The following STX18 variants were observed in gnomAD, a reference collection of about 807,000 sequenced individuals.
STX18 encodes the protein syntaxin 18.
Under a neutral mutation model 50.1 loss-of-function variants are expected in STX18, and 40 were observed. That is an observed-to-expected ratio of 0.80 (90% CI 0.62 to 1.04). The LOEUF (loss-of-function observed/expected upper bound fraction) is 1.04, where lower values mean the gene tolerates loss of function less well. Among genes scored for constraint, STX18 ranks in the 50% least tolerant of loss-of-function variants. STX18 has a pLI of 0.00. For missense variants in STX18, 410 were observed against 415.8 expected (o/e 0.99, Z 0.12); for synonymous variants, 158 against 151.8 (o/e 1.04, Z -0.30).
At chr4:4,512,318 C>A (rs949879016) in intron 1 of STX18, among the ~76,000 whole-genome samples, 2 of 151,986 alleles carry the variant, frequency 1.3e-5, no homozygotes, top group Non-Finnish European at 1.5e-5. Context: ...AAGAATAATT[C>A]TTTTTCCTAA....
chr4:4,435,285 T>TAC (rs1725717632), intron 6 of STX18, among the ~76,000 whole-genome samples: 1 of 151,970 alleles, frequency 6.6e-6, no homozygotes, highest in South Asian at 2.1e-4. Context: ...CATATATACA[T>TAC]ACATATATAT....
Position 4,434,864 on chromosome 4 carries a change from A to T in STX18, c.614-6T>A, listed in dbSNP as rs1725695413. 2 of 1,431,892 alleles carry T rather than the reference A, an allele frequency of 1.4e-6. No homozygotes were observed. Among genetic ancestry groups the T allele is most frequent in the Non-Finnish European group, 1.9e-6 (2 of 1,059,152 alleles). The allele number at this position is 1,431,892 out of a possible 1,614,324, so 88.7% of individuals were successfully genotyped here. On this transcript the variant is annotated splice_polypyrimidine_tract_variant and splice_region_variant and intron_variant, in intron 6 of 10. Transcript: ENST00000306200. Reference sequence around the variant, plus strand: ...TGTTTCAGCCAAAATTTTTTCTGTTAAAAAAAAAATTGAAAATAGAAGACC... The same window carrying T: ...TGTTTCAGCCAAAATTTTTTCTGTTTAAAAAAAAATTGAAAATAGAAGACC...
intron 2 of STX18, among the ~76,000 whole-genome samples, chr4:4,463,777 T>C (rs1227488396): frequency 6.6e-6 from 1 of 152,214 alleles, no homozygotes; most frequent in Non-Finnish European, 1.5e-5. Flanking sequence ...CACTGCGATC[T>C]AGTGTTAACC....
intron 1 of STX18, among the ~76,000 whole-genome samples, chr4:4,503,747 G>A (rs1282579495): frequency 2.0e-5 from 3 of 152,112 alleles, no homozygotes; most frequent in Non-Finnish European, 4.4e-5. Flanking sequence ...GTTCAAGGAG[G>A]AAAAGGTTGT....
intron 9 of STX18, among the ~76,000 whole-genome samples, chr4:4,421,185 C>T (rs1724939897): frequency 6.6e-6 from 1 of 152,174 alleles, no homozygotes; most frequent in Non-Finnish European, 1.5e-5. Context: ...AACGGCTTTA[C>T]TTGCATAGCC....
At chr4:4,540,638 TC>T (rs1466503587) in intron 1 of STX18, among the ~76,000 whole-genome samples, 1 of 152,216 alleles carries the variant, frequency 6.6e-6, no homozygotes, top group Non-Finnish European at 1.5e-5. Context: ...TATGTCTATG[TC>T]CGTCTACTCC....
rs1039407609 is a variant in STX18 at position 4,423,648 on chromosome 4, T to C, written c.762-61A>G. ...GCACTTGGTAATCTAACAGGACTGT[T>C]ACACACTTCTAAAGAAATCCTATCT... is the stretch of plus-strand genomic sequence containing the variant. On this transcript the variant is annotated intron_variant, in intron 8 of 10. Transcript: ENST00000306200. The C allele has an allele frequency of 7.3e-6, 11 of 1,508,808 alleles. No homozygotes were observed. In the African/African-American group the frequency reaches 1.5e-4, roughly 21 times the overall value. 93.5% of individuals were successfully genotyped at this position (1,508,808 alleles called of 1,614,324 possible).
At chr4:4,472,214 A>G (rs1335795974) in intron 1 of STX18, among the ~76,000 whole-genome samples, 1 of 152,188 alleles carries the variant, frequency 6.6e-6, no homozygotes, top group Admixed American at 6.5e-5. Flanking sequence ...GGCTATTTCC[A>G]TGGATGAAGA....
chr4:4,530,608 G>A (rs1350705641), intron 1 of STX18, among the ~76,000 whole-genome samples: 1 of 152,038 alleles, frequency 6.6e-6, no homozygotes, highest in African/African-American at 2.4e-5. Context: ...GAAAAGAAAA[G>A]AAACACTGCT....
chr4:4,430,988 C>T (rs1725488775), intron 7 of STX18, among the ~76,000 whole-genome samples: 1 of 152,130 alleles, frequency 6.6e-6, no homozygotes, highest in African/African-American at 2.4e-5. Context: ...CAGGTGATTA[C>T]GAATATCCTC....
chr4:4,472,566 C>T (rs1727976084), intron 1 of STX18, among the ~76,000 whole-genome samples: 1 of 152,222 alleles, frequency 6.6e-6, no homozygotes, highest in Non-Finnish European at 1.5e-5. Context: ...GTTTTTCTGT[C>T]AAGGCCAACC....
chr4:4,474,055 C>T (rs1286903535), intron 1 of STX18, among the ~76,000 whole-genome samples: 1 of 152,140 alleles, frequency 6.6e-6, no homozygotes, highest in East Asian at 1.9e-4. Context: ...CCCTCACTTG[C>T]ATACCCATAT....
intron 1 of STX18, among the ~76,000 whole-genome samples, chr4:4,521,653 A>G (rs1216167669): frequency 6.6e-6 from 1 of 152,142 alleles, no homozygotes; most frequent in Non-Finnish European, 1.5e-5. Context: ...AACTGATCAA[A>G]TATTTGTAGT....
intron 5 of STX18, among the ~76,000 whole-genome samples, chr4:4,449,193 C>T (rs776090377): frequency 6.6e-6 from 1 of 151,830 alleles, no homozygotes; most frequent in Non-Finnish European, 1.5e-5. Context: ...ACTACAGGTG[C>T]ATGTCACCAC....
rs114437437 is a variant in STX18 at position 4,452,155 on chromosome 4, G to A, written c.497+5036C>T. 7.4e-3 allele frequency among the ~76,000 whole-genome samples: 1,134 copies of A among 152,224 alleles called. 12 individuals are homozygous for A. The highest frequency in any genetic ancestry group is 0.013 in the Non-Finnish European group (863 of 68,030). On this transcript the variant is annotated intron_variant, in intron 5 of 10. Transcript: ENST00000306200. ...TCAGCGCAAGGCCCTAACTCTCTTC[G>A]ATTCTGTGAAGGCTAAGAAAGGTGA...
chr4:4,505,418 G>A (rs1729653485), intron 1 of STX18, among the ~76,000 whole-genome samples: 1 of 152,172 alleles, frequency 6.6e-6, no homozygotes, highest in South Asian at 2.1e-4. Context: ...ACTGAGAGCT[G>A]ATGTCGAGCA....
At chr4:4,462,258 T>C (rs1727418399) in intron 2 of STX18, among the ~76,000 whole-genome samples, 1 of 152,202 alleles carries the variant, frequency 6.6e-6, no homozygotes. Flanking sequence ...AACTGCAGCA[T>C]AGGTCAAATG....
At chr4:4,442,540 C>G (rs1323996593) in intron 5 of STX18, among the ~76,000 whole-genome samples, 1 of 152,212 alleles carries the variant, frequency 6.6e-6, no homozygotes, top group East Asian at 1.9e-4. Context: ...TTGCTTACGC[C>G]TGGGAGGTGG....
At chr4:4,423,247 ACT>A (rs1725059538) in intron 9 of STX18, among the ~76,000 whole-genome samples, 1 of 151,960 alleles carries the variant, frequency 6.6e-6, no homozygotes, top group South Asian at 2.1e-4. Flanking sequence ...CCAGGCCTGG[ACT>A]CTCCTCCCAC....
Sources: gnomAD v4.1 joint callset for allele counts (sites outside exome capture counted in the v4.1 genomes callset) on GRCh38, gnomAD v4.1.1 for gene constraint, MANE v1.5 for transcripts, NCBI Gene and HGNC (gene_info 2026-07-23, HGNC 2026-07-21) for gene names.